The following TTC27 variants were observed in gnomAD, a reference collection of about 807,000 sequenced individuals.
TTC27 encodes tetratricopeptide repeat domain 27, also known as tetratricopeptide repeat protein 27.
Under a neutral mutation model 115.9 loss-of-function variants are expected in TTC27, and 79 were observed. That is an observed-to-expected ratio of 0.68 (90% CI 0.57 to 0.82). TTC27 has a LOEUF of 0.82. Ranked by LOEUF, TTC27 falls within the 40% of genes least tolerant of loss-of-function variation. The probability of loss-of-function intolerance (pLI) is 0.00; values close to 1 mark genes in which losing one functional copy is unlikely to be tolerated. For missense variants in TTC27, 1,054 were observed against 993.1 expected (o/e 1.06, Z -0.82); for synonymous variants, 401 against 356.0 (o/e 1.13, Z -1.42).
Position 32,798,470 on chromosome 2 carries a change from G to A in TTC27, c.1998+11321G>A, listed in dbSNP as rs556658912. 1.5e-3 allele frequency among the ~76,000 whole-genome samples: 229 copies of A among 148,958 alleles called. 2 individuals are homozygous for A. Among genetic ancestry groups the A allele is most frequent in the Admixed American group, 2.3e-3 (35 of 15,000 alleles). On this transcript the variant is annotated intron_variant, in intron 16 of 19. Coordinates refer to ENST00000317907, the MANE Select transcript of TTC27 (RefSeq NM_017735.5). ...TGTAATCCCAGAACTTTGGGAGGCCGAGGCGGGCGGATCACGAGGTCAGGA... is the reference window on the plus strand; with the variant it reads ...TGTAATCCCAGAACTTTGGGAGGCCAAGGCGGGCGGATCACGAGGTCAGGA...
chr2:32,773,357 A>T (rs1028621430), intron 13 of TTC27, among the ~76,000 whole-genome samples: 4 of 152,080 alleles, frequency 2.6e-5, no homozygotes, highest in Non-Finnish European at 5.9e-5. Flanking sequence ...TCTTTTGTCC[A>T]CCTGACTAGC....
chr2:32,643,661 T>G (rs1463870102), intron 4 of TTC27, among the ~76,000 whole-genome samples: 1 of 152,116 alleles, frequency 6.6e-6, no homozygotes, highest in Non-Finnish European at 1.5e-5. Context: ...TGGCATTATT[T>G]TCTTTCTAGT....
intron 12 of TTC27, among the ~76,000 whole-genome samples, chr2:32,739,107 C>T (rs1668542209): frequency 1.3e-5 from 2 of 151,748 alleles, no homozygotes; most frequent in Non-Finnish European, 2.9e-5. Flanking sequence ...TTTTTAGTGC[C>T]CGTTGTCTGA....
In TTC27 at chr2:32,821,031, T is replaced by C. The variant is rs1671687363; in HGVS notation, c.*93T>C. The C allele has an allele frequency of 1.6e-6, 2 of 1,214,096 alleles. No individual in the cohort carries two copies. The highest frequency in any genetic ancestry group is 2.1e-6 in the Non-Finnish European group (2 of 947,380). The allele number at this position is 1,214,096 out of a possible 1,614,324, so 75.2% of individuals were successfully genotyped here. A position where few individuals can be genotyped will look rare whatever the true frequency, so the allele number is the denominator to read the frequency against. ...AAATGCAAGATATTGATTTTTAAAA[T>C]AAATTTGTTTTATGACTTAACATTC... is the stretch of plus-strand genomic sequence containing the variant. On this transcript the variant is annotated 3_prime_UTR_variant, in exon 20 of 20. Transcript: ENST00000317907.
chr2:32,734,620 C>G (rs1204222756), intron 11 of TTC27, among the ~76,000 whole-genome samples: 1 of 152,014 alleles, frequency 6.6e-6, no homozygotes, highest in African/African-American at 2.4e-5. Flanking sequence ...AGGTGTAGTT[C>G]CCTATTTTGT....
intron 10 of TTC27, chr2:32,705,129 C>T (rs767063444): frequency 2.5e-5 from 7 of 280,402 alleles, no homozygotes; most frequent in Non-Finnish European, 5.0e-5. Context: ...CTAGTGCCCT[C>T]CCCACAGTAA....
intron 15 of TTC27, among the ~76,000 whole-genome samples, chr2:32,784,352 C>T (rs1558342394): frequency 1.3e-5 from 2 of 152,166 alleles, no homozygotes; most frequent in Non-Finnish European, 2.9e-5. Context: ...TTCCTGTTTA[C>T]TCTTTTCTTT....
In TTC27 at chr2:32,666,667, A is replaced by G. The variant is rs1357069632; in HGVS notation, c.838A>G (p.Asn280Asp). Residue 280 changes from asparagine to aspartate, a missense_variant, in exon 7 of 20, where the codon AAT becomes GAT. Coordinates refer to ENST00000317907, the MANE Select transcript of TTC27 (RefSeq NM_017735.5). ...GGGAAAAAGAACACGGTTCCAGGAA[A>G]ATTATGTGGCACAACTGATTCTAGA... Reference protein sequence around the residue: ...ALGKRTRFQENYVAQLILDVR... With the variant: ...ALGKRTRFQEDYVAQLILDVR... 6.2e-7 allele frequency: 1 copy of G among 1,613,868 alleles called. No homozygotes were observed. Among genetic ancestry groups the G allele is most frequent in the Non-Finnish European group, 8.5e-7 (1 of 1,179,962 alleles).
intron 12 of TTC27, among the ~76,000 whole-genome samples, chr2:32,741,955 T>C (rs948952553): frequency 2.0e-4 from 31 of 152,210 alleles, no homozygotes; most frequent in Non-Finnish European, 4.4e-4. Flanking sequence ...GAACAAACCT[T>C]AAAGAATTTT....
chr2:32,682,847 G>GTTTTTTTTTTT (rs70938360), intron 9 of TTC27, among the ~76,000 whole-genome samples: 6 of 49,784 alleles, frequency 1.2e-4, no homozygotes, highest in Non-Finnish European at 1.3e-4. Context: ...TTTTATTGTT[G>GTTTTTTTTTTT]TTTTTTTTTT....
chr2:32,638,509 G>C (rs532292630), intron 3 of TTC27, among the ~76,000 whole-genome samples: 9 of 152,226 alleles, frequency 5.9e-5, no homozygotes, highest in African/African-American at 2.2e-4. Context: ...CTCCTGAGTA[G>C]CTGGGATTAC....
intron 18 of TTC27, among the ~76,000 whole-genome samples, chr2:32,815,940 C>T (rs1159901473): frequency 6.6e-6 from 1 of 152,098 alleles, no homozygotes; most frequent in Non-Finnish European, 1.5e-5. Context: ...TCTTGCTGGC[C>T]TTGGAAGATA....
chr2:32,803,956 G>A (rs569433601), intron 16 of TTC27, among the ~76,000 whole-genome samples: 3 of 150,728 alleles, frequency 2.0e-5, no homozygotes, highest in South Asian at 2.1e-4. Context: ...GCAGTGAGCC[G>A]AGATTGTGCC....
chr2:32,742,342 A>G (rs1194227375), intron 12 of TTC27, among the ~76,000 whole-genome samples: 3 of 152,356 alleles, frequency 2.0e-5, no homozygotes, highest in East Asian at 1.9e-4. Context: ...GGTAATGCAA[A>G]TAAGAGATGA....
intron 13 of TTC27, among the ~76,000 whole-genome samples, chr2:32,759,972 C>G (rs1669378695): frequency 6.6e-6 from 1 of 152,182 alleles, no homozygotes; most frequent in Non-Finnish European, 1.5e-5. Context: ...TACATACTTC[C>G]TTTTGTTTAC....
chr2:32,679,953 G>C (rs1382739525), intron 9 of TTC27, among the ~76,000 whole-genome samples: 1 of 152,290 alleles, frequency 6.6e-6, no homozygotes, highest in African/African-American at 2.4e-5. Context: ...CTGCACTTCA[G>C]CCTGGGTGAC....
At chr2:32,723,826 G>C (rs1202021862) in intron 10 of TTC27, among the ~76,000 whole-genome samples, 1 of 143,926 alleles carries the variant, frequency 6.9e-6, no homozygotes, top group South Asian at 2.2e-4. Flanking sequence ...TTCTTCCTTT[G>C]TCTTGCTCTA....
chr2:32,738,486 C>T (rs1668520728), intron 12 of TTC27, among the ~76,000 whole-genome samples: 1 of 152,148 alleles, frequency 6.6e-6, no homozygotes. Flanking sequence ...TTGATGGCAT[C>T]TTCCATTTGC....
At chr2:32,787,883 A>T (rs1670401941) in intron 16 of TTC27, among the ~76,000 whole-genome samples, 1 of 152,214 alleles carries the variant, frequency 6.6e-6, no homozygotes, top group African/African-American at 2.4e-5. Context: ...GCAGAGTTTT[A>T]CATCCCTAGA....
Sources: allele counts gnomAD v4.1 joint callset (sites outside exome capture counted in the v4.1 genomes callset), GRCh38; gene constraint gnomAD v4.1.1; transcripts MANE v1.5; gene names NCBI Gene and HGNC (gene_info 2026-07-23, HGNC 2026-07-21).